The following TANC1 variants were observed in gnomAD, a reference collection of about 807,000 sequenced individuals.
TANC1 encodes tetratricopeptide repeat, ankyrin repeat and coiled-coil containing 1.
Under a neutral mutation model 149.7 loss-of-function variants are expected in TANC1, and 77 were observed. That is an observed-to-expected ratio of 0.51 (90% confidence interval 0.43 to 0.62). The LOEUF (loss-of-function observed/expected upper bound fraction) is 0.62, where lower values mean the gene tolerates loss of function less well. Ranked by LOEUF, TANC1 falls within the 20% of genes least tolerant of loss-of-function variation. TANC1 has a pLI of 0.00. For missense variants in TANC1, 1,985 were observed against 2,321.8 expected, an observed-to-expected ratio of 0.85 and a Z score of 2.98; for synonymous variants, 854 against 925.0, an observed-to-expected ratio of 0.92 and a Z score of 1.39.
Position 159,228,834 on chromosome 2 carries a change from C to G in TANC1, c.4089C>G (p.Leu1363=). The G allele has an allele frequency of 6.2e-7, 1 of 1,614,064 alleles. No individual in the cohort carries two copies. The highest frequency in any genetic ancestry group is 8.5e-7 in the Non-Finnish European group (1 of 1,179,990). ...CAGAGGAATTTGCTTCCAAGGCTCTCGAATTGAAGCCCAAGTCCTATGAAG... is the reference window on the plus strand; with the variant it reads ...CAGAGGAATTTGCTTCCAAGGCTCTGGAATTGAAGCCCAAGTCCTATGAAG... The part of the protein sequence containing the change: ...GMAEEFASKA[L]ELKPKSYEAF... The change falls in exon 26 of 27, where the codon CTC becomes CTG. Residue 1363 remains leucine, a synonymous_variant. Coordinates refer to ENST00000263635, the MANE Select transcript of TANC1 (RefSeq NM_033394.3).
intron 1 of TANC1, among the ~76,000 whole-genome samples, chr2:158,975,661 C>G (rs927763958): frequency 2.6e-5 from 4 of 151,464 alleles, no homozygotes; most frequent in Admixed American, 2.0e-4. Context: ...GTCTCGAACT[C>G]CTGGCCTCAA....
Position 158,993,019 on chromosome 2 carries a change from CT to C in TANC1, c.-125-8060del, listed in dbSNP as rs1470140266. Among the ~76,000 whole-genome samples, 3 of 152,136 alleles carry C rather than the reference CT, an allele frequency of 2.0e-5. No homozygotes were observed. In the East Asian group the frequency reaches 5.8e-4, roughly 29 times the overall value. ...CCTAGACTCTTGGGGCTGGTATGAC[CT>C]CTTTGTCATTAGAATCAGGGCAGAG... On this transcript the variant is annotated intron_variant, in intron 1 of 26. Transcript: ENST00000263635.
chr2:159,169,161 A>T, intron 8 of TANC1, 89 bp from the exon 9 acceptor site: 1 of 1,027,928 alleles, frequency 9.7e-7, no homozygotes, highest in Non-Finnish European at 1.4e-6. Flanking sequence ...GCCTGAACTG[A>T]ATTGCTTAGT....
chr2:159,219,512 T>C (rs2059554933), intron 21 of TANC1, 151 bp downstream of exon 21: 31 of 1,277,048 alleles, frequency 2.4e-5, no homozygotes, highest in Non-Finnish European at 2.1e-5. Flanking sequence ...CACAGCCACA[T>C]GCCTGGTATT....
chr2:158,999,348 A>G (rs2036426160), intron 1 of TANC1, among the ~76,000 whole-genome samples: 2 of 152,188 alleles, frequency 1.3e-5, no homozygotes, highest in South Asian at 4.1e-4. Context: ...TAGACAAAGG[A>G]AGGAAATTTC....
intron 25 of TANC1, chr2:159,228,170 G>T: frequency 1.7e-6 from 1 of 577,186 alleles, no homozygotes; most frequent in Non-Finnish European, 3.0e-6. Flanking sequence ...TGATGTTGAA[G>T]GAATGCACTT....
chr2:159,037,277 G>A (rs1230965869), intron 2 of TANC1, among the ~76,000 whole-genome samples: 1 of 152,118 alleles, frequency 6.6e-6, no homozygotes, highest in Non-Finnish European at 1.5e-5. Context: ...TGTCAGATGG[G>A]TAGATTGCAA....
chr2:158,989,286 C>T (rs548391030), intron 1 of TANC1, among the ~76,000 whole-genome samples: 1 of 152,152 alleles, frequency 6.6e-6, no homozygotes, highest in South Asian at 2.1e-4. Flanking sequence ...CCTGGCTCCA[C>T]CATGATTTGG....
At chr2:159,032,807 G>A (rs529792708) in intron 2 of TANC1, among the ~76,000 whole-genome samples, 1 of 152,076 alleles carries the variant, frequency 6.6e-6, no homozygotes. Context: ...TCTGCATTGT[G>A]CATGAACTGA....
At chr2:159,063,398 T>C (rs1340527943) in intron 2 of TANC1, among the ~76,000 whole-genome samples, 2 of 152,202 alleles carry the variant, frequency 1.3e-5, no homozygotes, top group South Asian at 2.1e-4. Flanking sequence ...TGTATGTCCA[T>C]TGGTGACTGT....
intron 2 of TANC1, among the ~76,000 whole-genome samples, chr2:159,010,444 G>A (rs2037637958): frequency 6.6e-6 from 1 of 152,166 alleles, no homozygotes; most frequent in African/African-American, 2.4e-5. Flanking sequence ...TCAGGGAAAA[G>A]TTGTGCTGAT....
intron 1 of TANC1, among the ~76,000 whole-genome samples, chr2:158,984,038 G>T (rs1184937700): frequency 6.6e-6 from 1 of 152,196 alleles, no homozygotes; most frequent in Non-Finnish European, 1.5e-5. Context: ...GACAAGAAAA[G>T]ATCTCAGCCA....
At chr2:159,063,680 G>A (rs1469564770) in intron 2 of TANC1, among the ~76,000 whole-genome samples, 2 of 152,132 alleles carry the variant, frequency 1.3e-5, no homozygotes, top group Non-Finnish European at 2.9e-5. Context: ...AGGAAAACAG[G>A]AACTGGAAGA....
rs1302706119 is a variant in TANC1, at chr2:159,145,863, G to A, written c.365-3279G>A. Reference sequence around the variant, plus strand: ...CTCCAAATAAAGCCATCATACAGCCGTCAGATATTTAAATCTGTGAAATGA... The same window carrying A: ...CTCCAAATAAAGCCATCATACAGCCATCAGATATTTAAATCTGTGAAATGA... On this transcript the variant is annotated intron_variant, in intron 5 of 26. Coordinates refer to ENST00000263635, the MANE Select transcript of TANC1 (RefSeq NM_033394.3). Among the ~76,000 whole-genome samples the A allele has an allele frequency of 3.3e-5, 5 of 152,120 alleles. No homozygotes were observed. The East Asian group carries it at 5.8e-4, about 18-fold the overall frequency.
chr2:159,226,061 T>A, intron 24 of TANC1: 1 of 391,198 alleles, frequency 2.6e-6, no homozygotes, highest in South Asian at 2.4e-5. Flanking sequence ...TCCCAGCTAC[T>A]CGGGAGGCTG....
chr2:159,050,766 G>A (rs2041405258), intron 2 of TANC1, among the ~76,000 whole-genome samples: 1 of 152,170 alleles, frequency 6.6e-6, no homozygotes, highest in African/African-American at 2.4e-5. Flanking sequence ...TGAAGTAAAG[G>A]TCTTCCATTT....
chr2:159,062,973 C>CCAAAAAAAAAAAAAAA (rs770866772), intron 2 of TANC1, among the ~76,000 whole-genome samples: 13 of 41,208 alleles, frequency 3.2e-4, no homozygotes, highest in Admixed American at 5.7e-4. Context: ...GACTCCGTCT[C>CCAAAAAAAAAAAAAAA]AAAAAAAAAA....
In TANC1 at chr2:159,230,149, G is replaced by C. The variant is rs749552361; in HGVS notation, c.4723G>C (p.Ala1575Pro). 6.2e-6 allele frequency: 10 copies of C among 1,614,090 alleles called. No individual in the cohort carries two copies. The highest frequency in any genetic ancestry group is 8.5e-6 in the Non-Finnish European group (10 of 1,180,038). ...GCCAGGGAGAATCGCTGCCACTCCT[G>C]CTGGGAGCAGAACCCAGCATTTAGA... ...PMPGRIAATP[A>P]GSRTQHLEGT... Residue 1575 changes from alanine to proline, a missense_variant, in exon 27 of 27, where the codon GCT becomes CCT. Physicochemically the swap from Ala to Pro is conservative, Grantham distance 27. This residue lies in a region of TANC1 where 920 missense variants were observed against 994.7 expected (regional missense o/e 0.92). Transcript: ENST00000263635. The surrounding 1 kb of genome is among the most constrained non-coding windows in gnomAD (Gnocchi z 4.4).
chr2:158,983,159 G>T lies in TANC1; in HGVS notation c.-126+14377G>T, dbSNP rs79806520. Reference sequence around the variant, plus strand: ...TTAGATGGTGATTTATAGAGGAGAAGGAGTAAGAGTCAAAAGTGGTGTTTT... The same window carrying T: ...TTAGATGGTGATTTATAGAGGAGAATGAGTAAGAGTCAAAAGTGGTGTTTT... On this transcript the variant is annotated intron_variant, in intron 1 of 26. Coordinates refer to ENST00000263635, the MANE Select transcript of TANC1 (RefSeq NM_033394.3). Among the ~76,000 whole-genome samples, 331 of 152,164 alleles carry T rather than the reference G, an allele frequency of 2.2e-3. 2 individuals carry two copies. The highest frequency in any genetic ancestry group is 7.4e-3 in the African/African-American group (307 of 41,524).
Sources: allele counts gnomAD v4.1 joint callset (sites outside exome capture counted in the v4.1 genomes callset), GRCh38; gene constraint gnomAD v4.1.1; regional missense constraint gnomAD v4.1.1; non-coding constraint Gnocchi (gnomAD v3.1); transcripts MANE v1.5; gene names NCBI Gene and HGNC (gene_info 2026-07-23, HGNC 2026-07-21).